COL26A1: variants seen among roughly 807,000 people sequenced by gnomAD.
COL26A1 encodes collagen type XXVI alpha 1 chain, also known as collagen alpha-1(XXVI) chain.
Under a neutral mutation model 59.3 loss-of-function variants are expected in COL26A1, and 41 were observed. That is an observed-to-expected ratio of 0.69 (90% CI 0.54 to 0.90). The LOEUF is 0.90. Among genes scored for constraint, COL26A1 ranks in the 40% least tolerant of loss-of-function variants. The pLI is 0.00. For synonymous variants in COL26A1, 266 were observed against 256.0 expected, an observed-to-expected ratio of 1.04 and a Z score of -0.37; for missense variants, 612 against 602.3, an observed-to-expected ratio of 1.02 and a Z score of -0.17.
chr7:101,501,222 A>G (rs541621098), intron 3 of COL26A1, among the ~76,000 whole-genome samples: 5 of 151,532 alleles, frequency 3.3e-5, no homozygotes, highest in East Asian at 1.9e-4. Flanking sequence ...GAAAAGAAAA[A>G]AAAAAAAAAA....
chr7:101,505,261 CTG>C (rs1053055347), intron 3 of COL26A1, among the ~76,000 whole-genome samples: 12 of 151,624 alleles, frequency 7.9e-5, no homozygotes, highest in Non-Finnish European at 1.8e-4. Context: ...GTGTGCATGA[CTG>C]TGAGTGTGCA....
intron 3 of COL26A1, among the ~76,000 whole-genome samples, chr7:101,482,957 A>G (rs750303599): frequency 6.6e-6 from 1 of 152,156 alleles, no homozygotes; most frequent in Admixed American, 6.5e-5. Flanking sequence ...CTCTGTCTCA[A>G]AAAAATGAAA....
At chr7:101,478,093 C>T (rs962068519) in intron 3 of COL26A1, among the ~76,000 whole-genome samples, 2 of 152,132 alleles carry the variant, frequency 1.3e-5, no homozygotes, top group Admixed American at 6.6e-5. Flanking sequence ...AGCGATTCTC[C>T]CACCTCAGCC....
intron 1 of COL26A1, among the ~76,000 whole-genome samples, chr7:101,410,407 A>G (rs1312941615): frequency 1.3e-5 from 2 of 151,402 alleles, no homozygotes; most frequent in East Asian, 3.8e-4. Flanking sequence ...AAGAAGTTAC[A>G]TGACTAAGGA....
intron 3 of COL26A1, among the ~76,000 whole-genome samples, chr7:101,475,105 A>T (rs1393123647): frequency 1.3e-5 from 2 of 151,002 alleles, no homozygotes; most frequent in East Asian, 3.9e-4. Context: ...CTGAGGCAGG[A>T]GAATGGCTTG....
rs545616944 is a variant in COL26A1 at position 101,388,405 on chromosome 7, G to A, written c.158+25215G>A. Among the ~76,000 whole-genome samples the A allele has an allele frequency of 8.6e-5, 13 of 151,604 alleles. 1 individual carries two copies. Among genetic ancestry groups the A allele is most frequent in the African/African-American group, 3.1e-4 (13 of 41,416 alleles). On this transcript the variant is annotated intron_variant, in intron 1 of 12. Coordinates refer to ENST00000313669, the MANE Select transcript of COL26A1 (RefSeq NM_001278563.3). The stretch of plus-strand genomic sequence containing the variant: ...GGAGAATCTCCTGAACCCGGGAGAC[G>A]GAGGTTGCAGTCAGCCGAGATCGCG...
At chr7:101,403,033 G>A (rs1011878475) in intron 1 of COL26A1, among the ~76,000 whole-genome samples, 1 of 151,796 alleles carries the variant, frequency 6.6e-6, no homozygotes, top group African/African-American at 2.4e-5. Context: ...TAGTAGAGAT[G>A]GGGTCTCGCT....
chr7:101,453,224 G>C (rs554543483), intron 3 of COL26A1, among the ~76,000 whole-genome samples: 1 of 152,132 alleles, frequency 6.6e-6, no homozygotes, highest in Non-Finnish European at 1.5e-5. Context: ...AAAACTAGCC[G>C]GGCGTGGTGG....
At chr7:101,486,927 C>T (rs1017185653) in intron 3 of COL26A1, among the ~76,000 whole-genome samples, 3 of 152,208 alleles carry the variant, frequency 2.0e-5, no homozygotes, top group South Asian at 4.1e-4. Context: ...TGTGTTTGCC[C>T]CCATGGTCAT....
At chr7:101,393,639 G>T (rs548786929) in intron 1 of COL26A1, among the ~76,000 whole-genome samples, 1 of 152,222 alleles carries the variant, frequency 6.6e-6, no homozygotes, top group African/African-American at 2.4e-5. Context: ...ATCACACAGG[G>T]TTTCATCATG....
chr7:101,459,280 GT>G (rs200170094), intron 3 of COL26A1, among the ~76,000 whole-genome samples: 2,631 of 152,028 alleles, frequency 0.017, 42 homozygotes, highest in Middle Eastern at 0.061. Flanking sequence ...TGTCCCTAGA[GT>G]TCTTTTGTTT....
At chr7:101,533,011 TC>T (rs1795401443) in intron 3 of COL26A1, 70 bp from the exon 4 acceptor site, 7 of 1,176,864 alleles carry the variant, frequency 5.9e-6, no homozygotes, top group Non-Finnish European at 8.6e-6. Flanking sequence ...CCAGAGGCTA[TC>T]CTGGTGACTG....
At chr7:101,545,525 G>A in intron 7 of COL26A1, 35 bp downstream of exon 7, 1 of 1,577,046 alleles carries the variant, frequency 6.3e-7, no homozygotes, top group African/African-American at 1.4e-5. Flanking sequence ...AGGGAGGGCT[G>A]AGCTACGCTG....
intron 1 of COL26A1, among the ~76,000 whole-genome samples, chr7:101,418,341 G>T (rs1447936478): frequency 2.6e-5 from 4 of 152,072 alleles, no homozygotes; most frequent in Non-Finnish European, 4.4e-5. Flanking sequence ...GTCCTCTTTT[G>T]TGTGTTTCTG....
intron 3 of COL26A1, among the ~76,000 whole-genome samples, chr7:101,473,245 A>T (rs1793948529): frequency 1.3e-5 from 2 of 150,738 alleles, no homozygotes; most frequent in African/African-American, 5.0e-5. Context: ...ACGCCTGGCT[A>T]ATTTTTTGTA....
chr7:101,400,956 G>T (rs755011069), intron 1 of COL26A1, among the ~76,000 whole-genome samples: 2 of 152,180 alleles, frequency 1.3e-5, no homozygotes, highest in Non-Finnish European at 2.9e-5. Context: ...GCGGAGACGG[G>T]AGTTCAAGGG....
intron 1 of COL26A1, among the ~76,000 whole-genome samples, chr7:101,363,985 C>G (rs897581901): frequency 4.6e-5 from 7 of 152,174 alleles, no homozygotes; most frequent in Non-Finnish European, 1.0e-4. Flanking sequence ...GGCTGCGACT[C>G]CCCAGCCACC....
chr7:101,453,196 G>A (rs139135532), intron 3 of COL26A1, among the ~76,000 whole-genome samples: 7,392 of 152,204 alleles, frequency 0.049, 245 homozygotes, highest in Non-Finnish European at 0.073. Context: ...GCAAAACCCC[G>A]TCTCTACTAA....
chr7:101,402,656 TTCC>T (rs551764023), intron 1 of COL26A1, among the ~76,000 whole-genome samples: 2 of 100,064 alleles, frequency 2.0e-5, no homozygotes, highest in Non-Finnish European at 4.0e-5. Context: ...CCTTCCTTCC[TTCC>T]TTCCCTCCCT....
Sources: allele counts gnomAD v4.1 joint callset (sites outside exome capture counted in the v4.1 genomes callset), GRCh38; gene constraint gnomAD v4.1.1; transcripts MANE v1.5; gene names NCBI Gene and HGNC (gene_info 2026-07-23, HGNC 2026-07-21).